UNC93A: variants seen among roughly 807,000 people sequenced by gnomAD.
UNC93A encodes the protein N-acetylglucosamine transporter UNC93A.
UNC93A carries 43 observed loss-of-function variants against 47.5 expected under a neutral mutation model. That is an observed-to-expected ratio of 0.91 (90% CI 0.71 to 1.17). The LOEUF (loss-of-function observed/expected upper bound fraction) is 1.17, where lower values mean the gene tolerates loss of function less well. Ranked by LOEUF, UNC93A falls within the 50% of genes most tolerant of loss-of-function variation. The pLI is 0.00. For synonymous variants in UNC93A, 280 were observed against 258.0 expected, an observed-to-expected ratio of 1.09 and a Z score of -0.82; for missense variants, 605 against 577.6, an observed-to-expected ratio of 1.05 and a Z score of -0.49.
At chr6:167,287,166 T>C (rs1300982033), upstream of UNC93A, among the ~76,000 whole-genome samples, 3 of 151,800 alleles carry the variant, frequency 2.0e-5, no homozygotes, top group East Asian at 5.9e-4. Context: ...CCCTCAGCTG[T>C]CCAATCACAG....
chr6:167,286,975 C>A (rs1783746392), upstream of UNC93A, among the ~76,000 whole-genome samples: 4 of 79,646 alleles, frequency 5.0e-5, no homozygotes, highest in Admixed American at 3.6e-4. Flanking sequence ...AAGACTCTGT[C>A]TCAAAAAAAA....
chr6:167,296,375 G>A (rs190451749), intron 3 of UNC93A, 114 bp downstream of exon 3: 14 of 1,142,334 alleles, frequency 1.2e-5, no homozygotes, highest in Non-Finnish European at 1.7e-5. Flanking sequence ...ACTTGAGCAG[G>A]TGAGTCAGGC....
intron 4 of UNC93A, among the ~76,000 whole-genome samples, chr6:167,301,736 C>T (rs1778245852): frequency 6.6e-6 from 1 of 152,182 alleles, no homozygotes; most frequent in African/African-American, 2.4e-5. Context: ...CTGCTTGACA[C>T]TGAAGTCCTG....
At chr6:167,286,753 GGA>G, upstream of UNC93A, among the ~76,000 whole-genome samples, 2 of 152,008 alleles carry the variant, frequency 1.3e-5, no homozygotes, top group Non-Finnish European at 2.9e-5. Context: ...CGAGGCGGGC[GGA>G]TTGCCTGAGC....
chr6:167,283,964 C>T lies in UNC93A; in HGVS notation c.-51-7475C>T, dbSNP rs1165238659. On this transcript the variant is annotated intron_variant, in intron 1 of 3. Coordinates refer to the UNC93A transcript ENST00000503433. ...TCAGGATCTCACAGCACATTAAATC[C>T]CATCTGGGAAGGTTCACACTCAGGG... Among the ~76,000 whole-genome samples the T allele has an allele frequency of 2.6e-5, 4 of 152,132 alleles. No homozygotes were observed. In the East Asian group the frequency reaches 7.7e-4, roughly 29 times the overall value.
rs557235129 is a variant in UNC93A, at chr6:167,298,940, C to A, written c.625+870C>A. On this transcript the variant is annotated intron_variant, in intron 4 of 7. Transcript: ENST00000230256. ...ACCAGCCTGGCCAACATGGTGAAAC[C>A]CCATTTGCACTAAAAATACAAAAAT... Among the ~76,000 whole-genome samples the A allele has an allele frequency of 4.0e-4, 60 of 151,674 alleles. 1 individual carries two copies. The highest frequency in any genetic ancestry group is 6.8e-3 in the Middle Eastern group (2 of 294).
At chr6:167,309,093 C>T (rs1338686780) in intron 7 of UNC93A, among the ~76,000 whole-genome samples, 4 of 152,012 alleles carry the variant, frequency 2.6e-5, no homozygotes, top group Non-Finnish European at 5.9e-5. Flanking sequence ...GGGACATGGC[C>T]GTTGCACCTG....
chr6:167,289,005 C>A (rs570831574), upstream of UNC93A, among the ~76,000 whole-genome samples: 50 of 152,300 alleles, frequency 3.3e-4, no homozygotes, highest in Admixed American at 1.8e-3. Context: ...ATTTTAAGGA[C>A]TGAAGTGGCT....
At chr6:167,273,030 T>C (rs549194255) in intron 1 of UNC93A, among the ~76,000 whole-genome samples, 9 of 152,234 alleles carry the variant, frequency 5.9e-5, no homozygotes, top group African/African-American at 1.7e-4. Flanking sequence ...ATTGTATTTT[T>C]GGTTTACAGG....
chr6:167,286,364 T>C (rs1373733738), upstream of UNC93A, among the ~76,000 whole-genome samples: 1 of 152,210 alleles, frequency 6.6e-6, no homozygotes, highest in East Asian at 1.9e-4. Context: ...CAGTGGCTTC[T>C]CAAGGGACCA....
upstream of UNC93A, among the ~76,000 whole-genome samples, chr6:167,270,261 G>C (rs1318885273): frequency 6.6e-6 from 1 of 152,044 alleles, no homozygotes. Context: ...ACCTGTTAAT[G>C]GCTGTTGTGA....
chr6:167,294,707 C>A lies in UNC93A; in HGVS notation c.269+9C>A. 1 of 1,579,778 alleles carries A rather than the reference C, an allele frequency of 6.3e-7. No homozygotes were observed. The highest frequency in any genetic ancestry group is 8.6e-7 in the Non-Finnish European group (1 of 1,158,936). On this transcript the variant is annotated intron_variant, in intron 2 of 7. Transcript: ENST00000230256. ...AACTTCTTCGCCAGCTGGTACGCAG[C>A]CACCACCCCCTGCCCACCCCACCCC...
upstream of UNC93A, among the ~76,000 whole-genome samples, chr6:167,288,978 A>G (rs1191472448): frequency 5.3e-5 from 8 of 152,304 alleles, no homozygotes; most frequent in African/African-American, 1.4e-4. Flanking sequence ...TCTCAAGCTG[A>G]TAGAGCCCAG....
intron 1 of UNC93A, chr6:167,271,585 C>T (rs971294723): frequency 6.6e-6 from 1 of 152,154 alleles, no homozygotes; most frequent in African/African-American, 2.4e-5. Context: ...CGTCAGCCCC[C>T]ACTTATCTAT....
rs1319988102 is a variant in UNC93A at position 167,296,215 on chromosome 6, G to A, written c.453G>A (p.Trp151Ter). Residue 151 changes from tryptophan (W) to a stop codon, truncating the protein, a stop_gained, in exon 3 of 8, where the codon TGG (tryptophan) becomes TGA (stop). Coordinates refer to ENST00000230256, the MANE Select transcript of UNC93A (RefSeq NM_018974.4). LOFTEE classifies it high-confidence loss of function. ...FFLIFQSSGV[W>*]GNLISSLVFG... ...TCATATTCCAGTCATCCGGTGTGTG[G>A]GGCAACTTGATCTCATCGCTGGTAT... The A allele has an allele frequency of 4.3e-6, 7 of 1,614,082 alleles. No homozygotes were observed. The highest frequency in any genetic ancestry group is 5.9e-6 in the Non-Finnish European group (7 of 1,180,050).
chr6:167,310,313 C>A (rs1562361210), intron 7 of UNC93A, among the ~76,000 whole-genome samples: 1 of 152,304 alleles, frequency 6.6e-6, no homozygotes, highest in South Asian at 2.1e-4. Flanking sequence ...TCCCTAAATG[C>A]TCCCAATGAA....
intron 7 of UNC93A, among the ~76,000 whole-genome samples, chr6:167,308,537 G>A (rs557596376): frequency 1.3e-5 from 2 of 152,124 alleles, no homozygotes; most frequent in South Asian, 4.1e-4. Flanking sequence ...TCACGTATGG[G>A]CTGACCACTG....
intron 7 of UNC93A, among the ~76,000 whole-genome samples, chr6:167,311,321 A>T (rs1778550558): frequency 6.6e-6 from 1 of 152,120 alleles, no homozygotes; most frequent in South Asian, 2.1e-4. Flanking sequence ...AGACTTCACC[A>T]TTTGAGCCCC....
intron 2 of UNC93A, 38 bp downstream of exon 2, chr6:167,294,736 C>T (rs199871286): frequency 1.6e-5 from 25 of 1,555,008 alleles, no homozygotes; most frequent in African/African-American, 1.4e-4. Flanking sequence ...CCACCCCGGC[C>T]GTTCCCCACG....
Sources: allele counts gnomAD v4.1 joint callset (sites outside exome capture counted in the v4.1 genomes callset), GRCh38; gene constraint gnomAD v4.1.1; transcripts MANE v1.5; gene names NCBI Gene and HGNC (gene_info 2026-07-23, HGNC 2026-07-21).